PTPRT: variants seen among roughly 807,000 people sequenced by gnomAD.
PTPRT encodes receptor-type tyrosine-protein phosphatase T.
PTPRT carries 56 observed loss-of-function variants against 176.8 expected under a neutral mutation model. That is an observed-to-expected ratio of 0.32 (90% CI 0.26 to 0.40). The LOEUF is 0.40. Among genes scored for constraint, PTPRT ranks in the 10% least tolerant of loss-of-function variants. The pLI is 1.00. For missense variants in PTPRT, 1,540 were observed against 1,908.2 expected, an observed-to-expected ratio of 0.81 and a Z score of 3.60; for synonymous variants, 783 against 739.0, an observed-to-expected ratio of 1.06 and a Z score of -0.96.
chr20:42,139,689 G>A (rs569453812), intron 18 of PTPRT, among the ~76,000 whole-genome samples: 11 of 152,346 alleles, frequency 7.2e-5, no homozygotes, highest in Admixed American at 2.0e-4. Context: ...GGCAGGGCAG[G>A]GCTAGGGTGA....
chr20:43,061,928 A>G (rs1987476984), intron 1 of PTPRT, among the ~76,000 whole-genome samples: 1 of 152,220 alleles, frequency 6.6e-6, no homozygotes, highest in Non-Finnish European at 1.5e-5. Flanking sequence ...GGAGTTTTGA[A>G]GGAACAATTG....
chr20:42,155,075 C>T (rs1356684891), intron 17 of PTPRT, among the ~76,000 whole-genome samples: 2 of 152,180 alleles, frequency 1.3e-5, no homozygotes, highest in East Asian at 3.9e-4. Context: ...AGTATATTCA[C>T]ATCAACCGGA....
intron 1 of PTPRT, among the ~76,000 whole-genome samples, chr20:43,078,303 T>C (rs574225901): frequency 2.0e-5 from 3 of 152,324 alleles, no homozygotes; most frequent in East Asian, 3.9e-4. Flanking sequence ...GGAAGCAGTC[T>C]CCTTGAAGCT....
Position 42,474,413 on chromosome 20 carries a change from C to T in PTPRT, c.1154-1851G>A, listed in dbSNP as rs62204908. On this transcript the variant is annotated intron_variant, in intron 7 of 30. Transcript: ENST00000373187. ...GGAATGTCAGGGAACCTGGCAAGCC[C>T]GCACAGAGCTGCCCACGTGGCTGCA... Among the ~76,000 whole-genome samples, 1,218 of 152,304 alleles carry T rather than the reference C, an allele frequency of 8.0e-3. 11 individuals carry two copies. The highest frequency in any genetic ancestry group is 0.014 in the Middle Eastern group (4 of 294).
intron 1 of PTPRT, among the ~76,000 whole-genome samples, chr20:43,089,616 C>A (rs1240825433): frequency 1.3e-5 from 2 of 152,004 alleles, no homozygotes; most frequent in Non-Finnish European, 2.9e-5. Context: ...AGAACCAGGG[C>A]AAATGGAGAA....
the PTPRT span, among the ~76,000 whole-genome samples, chr20:42,048,315 C>G: frequency 6.6e-6 from 1 of 152,182 alleles, no homozygotes; most frequent in Non-Finnish European, 1.5e-5. Context: ...CCTGCATATT[C>G]TCTGGTGCTC....
chr20:42,738,057 T>C (rs6103022), intron 6 of PTPRT, among the ~76,000 whole-genome samples: 13,477 of 152,158 alleles, frequency 0.089, 1,838 homozygotes, highest in African/African-American at 0.29. Flanking sequence ...GTAGAGGGTA[T>C]GACAGGCTTA....
chr20:42,939,951 A>C (rs934821116), intron 1 of PTPRT, among the ~76,000 whole-genome samples: 2 of 152,204 alleles, frequency 1.3e-5, no homozygotes, highest in African/African-American at 4.8e-5. Context: ...CTTCCCACTC[A>C]ACACCACTAT....
intron 6 of PTPRT, among the ~76,000 whole-genome samples, chr20:42,709,907 A>C (rs1341884544): frequency 6.6e-6 from 1 of 152,162 alleles, no homozygotes; most frequent in African/African-American, 2.4e-5. Context: ...CTCATGTTAC[A>C]CCCTAGCAAA....
At chr20:42,756,242 T>C (rs2076830557) in intron 6 of PTPRT, among the ~76,000 whole-genome samples, 1 of 152,238 alleles carries the variant, frequency 6.6e-6, no homozygotes. Flanking sequence ...ATGGCTCTTG[T>C]ATGTGAGACT....
chr20:43,109,880 G>A (rs748471170), intron 1 of PTPRT, among the ~76,000 whole-genome samples: 3 of 152,104 alleles, frequency 2.0e-5, no homozygotes, highest in Non-Finnish European at 4.4e-5. Context: ...GAATTTTTAG[G>A]GGGACCAGTG....
chr20:42,579,361 A>G (rs966662544), intron 7 of PTPRT, among the ~76,000 whole-genome samples: 9 of 152,130 alleles, frequency 5.9e-5, no homozygotes, highest in African/African-American at 2.2e-4. Context: ...TAGTGCTGCA[A>G]TAAACATGCG....
At chr20:42,936,719 T>A (rs906722427) in intron 1 of PTPRT, among the ~76,000 whole-genome samples, 3 of 152,180 alleles carry the variant, frequency 2.0e-5, no homozygotes, top group African/African-American at 7.2e-5. Flanking sequence ...GGTTGGCTTC[T>A]GGATATATTT....
At chr20:42,411,616 T>C (rs2059019803) in intron 9 of PTPRT, among the ~76,000 whole-genome samples, 1 of 148,506 alleles carries the variant, frequency 6.7e-6, no homozygotes, top group Non-Finnish European at 1.5e-5. Context: ...AAGACACAAA[T>C]CGTTAGCATC....
intron 2 of PTPRT, among the ~76,000 whole-genome samples, chr20:42,851,495 TG>T (rs1001374375): frequency 1.3e-5 from 2 of 152,188 alleles, no homozygotes; most frequent in Admixed American, 1.3e-4. Context: ...CCTGCCTACC[TG>T]GGGTATTCCT....
chr20:42,189,095 C>T (rs572165719), intron 16 of PTPRT, among the ~76,000 whole-genome samples: 175 of 152,044 alleles, frequency 1.2e-3, no homozygotes, highest in African/African-American at 4.0e-3. Context: ...GAAGTCCTTT[C>T]CAAGGAGGCT....
At chr20:42,150,939 C>T (rs140332844) in intron 17 of PTPRT, among the ~76,000 whole-genome samples, 5 of 152,176 alleles carry the variant, frequency 3.3e-5, no homozygotes, top group East Asian at 1.9e-4. Context: ...ACACACCCCA[C>T]GGAATTTTGT....
At chr20:42,195,757 C>T (rs1991191290) in intron 16 of PTPRT, among the ~76,000 whole-genome samples, 1 of 152,126 alleles carries the variant, frequency 6.6e-6, no homozygotes, top group South Asian at 2.1e-4. Flanking sequence ...GTATATATGA[C>T]TGTGTAGGTT....
chr20:42,361,110 T>C (rs2058425787), intron 9 of PTPRT, among the ~76,000 whole-genome samples: 2 of 152,102 alleles, frequency 1.3e-5, no homozygotes, highest in South Asian at 4.1e-4. Context: ...GGAGAGGGGC[T>C]GATTGAGGGG....
Sources: allele counts gnomAD v4.1 joint callset (sites outside exome capture counted in the v4.1 genomes callset), GRCh38; gene constraint gnomAD v4.1.1; transcripts MANE v1.5; gene names NCBI Gene and HGNC (gene_info 2026-07-23, HGNC 2026-07-21).